The following SNTB1 variants were observed in gnomAD, a reference collection of about 807,000 sequenced individuals.
SNTB1 encodes the protein syntrophin beta 1.
SNTB1 carries 36 observed loss-of-function variants against 48.9 expected under a neutral mutation model. That is an observed-to-expected ratio of 0.74 (90% CI 0.56 to 0.97). SNTB1 has a LOEUF of 0.97. Among genes scored for constraint, SNTB1 ranks in the 50% least tolerant of loss-of-function variants. The pLI, the probability that SNTB1 is intolerant of heterozygous loss-of-function variation, is 0.00. For synonymous variants in SNTB1, 299 were observed against 294.6 expected (o/e 1.01, Z -0.15); for missense variants, 786 against 703.4 (o/e 1.12, Z -1.33).
chr8:120,581,930 G>A (rs945128329), intron 3 of SNTB1, among the ~76,000 whole-genome samples: 1 of 152,088 alleles, frequency 6.6e-6, no homozygotes, highest in Non-Finnish European at 1.5e-5. Flanking sequence ...AGCTATTTGG[G>A]AGGTTGAGGC....
At chr8:120,773,570 G>T (rs1017077376) in intron 1 of SNTB1, among the ~76,000 whole-genome samples, 1 of 152,042 alleles carries the variant, frequency 6.6e-6, no homozygotes, top group Non-Finnish European at 1.5e-5. Flanking sequence ...TATGAGTAAG[G>T]CACCATCTGG....
intron 2 of SNTB1, among the ~76,000 whole-genome samples, chr8:120,665,384 G>A (rs1008409317): frequency 5.9e-5 from 9 of 152,136 alleles, no homozygotes; most frequent in African/African-American, 9.6e-5. Context: ...CCTGGGAGGC[G>A]GAGTTTACAG....
At chr8:120,681,737 A>G (rs1817934290) in intron 2 of SNTB1, among the ~76,000 whole-genome samples, 1 of 152,202 alleles carries the variant, frequency 6.6e-6, no homozygotes, top group South Asian at 2.1e-4. Context: ...TTCACCAAGC[A>G]ATAACTCTAT....
At chr8:120,655,424 C>G (rs897490048) in intron 2 of SNTB1, among the ~76,000 whole-genome samples, 22 of 152,192 alleles carry the variant, frequency 1.4e-4, no homozygotes, top group Middle Eastern at 3.2e-3. Flanking sequence ...TACTTGTTCA[C>G]TTTTCTCATT....
intron 2 of SNTB1, among the ~76,000 whole-genome samples, chr8:120,670,584 T>A (rs2129782469): frequency 6.6e-6 from 1 of 152,364 alleles, no homozygotes; most frequent in South Asian, 2.1e-4. Context: ...AAATAACCTA[T>A]TTCTCTATTT....
At chr8:120,605,336 CT>C (rs1172146962) in intron 3 of SNTB1, among the ~76,000 whole-genome samples, 8 of 151,380 alleles carry the variant, frequency 5.3e-5, no homozygotes, top group African/African-American at 2.0e-4. Context: ...GGAGGTTTTA[CT>C]TACTCCATTT....
rs564691760 is a variant in SNTB1 at position 120,678,411 on chromosome 8, G to C, written c.788+15281C>G. Among the ~76,000 whole-genome samples, 11 of 152,216 alleles carry C rather than the reference G, an allele frequency of 7.2e-5. No homozygotes were observed. In the East Asian group the frequency reaches 2.1e-3, roughly 29 times the overall value. ...CCACTTTCTGAGAAGAGTAAAAAAC[G>C]AATGTCCAACCCTATTTCAGAGCTA... On this transcript the variant is annotated intron_variant, in intron 2 of 6. Transcript: ENST00000517992.
chr8:120,680,788 T>G (rs918781893), intron 2 of SNTB1, among the ~76,000 whole-genome samples: 2 of 152,144 alleles, frequency 1.3e-5, no homozygotes, highest in Non-Finnish European at 2.9e-5. Context: ...GATCAAGACC[T>G]ATATAGTGAG....
chr8:120,700,017 T>C (rs1193000574), intron 1 of SNTB1, among the ~76,000 whole-genome samples: 1 of 152,242 alleles, frequency 6.6e-6, no homozygotes, highest in Non-Finnish European at 1.5e-5. Flanking sequence ...ATAGGCATTA[T>C]AATCATCCCC....
At chr8:120,802,459 A>T (rs1820245219) in intron 1 of SNTB1, among the ~76,000 whole-genome samples, 1 of 152,100 alleles carries the variant, frequency 6.6e-6, no homozygotes, top group Non-Finnish European at 1.5e-5. Flanking sequence ...ACAGCAGCCT[A>T]CACTGTGGTC....
intron 1 of SNTB1, among the ~76,000 whole-genome samples, chr8:120,766,499 T>G (rs1298045553): frequency 1.3e-5 from 2 of 152,168 alleles, no homozygotes; most frequent in Non-Finnish European, 2.9e-5. Context: ...CTCTCCTATA[T>G]ATAATATTTT....
chr8:120,662,497 TGAAAG>T (rs1416211401), intron 2 of SNTB1, among the ~76,000 whole-genome samples: 2 of 152,160 alleles, frequency 1.3e-5, no homozygotes, highest in African/African-American at 4.8e-5. Context: ...TTGTTACAGA[TGAAAG>T]AAATTAACCC....
intron 1 of SNTB1, among the ~76,000 whole-genome samples, chr8:120,781,011 C>T (rs1819823218): frequency 6.6e-6 from 1 of 152,308 alleles, no homozygotes; most frequent in South Asian, 2.1e-4. Context: ...CTGTGCTATG[C>T]CCCGTGATCA....
chr8:120,583,507 G>A (rs61312574), intron 3 of SNTB1, among the ~76,000 whole-genome samples: 30,463 of 132,786 alleles, frequency 0.23, 3,307 homozygotes, highest in Middle Eastern at 0.33. Context: ...GGGAAACTCC[G>A]TCTCAAAACA....
intron 1 of SNTB1, among the ~76,000 whole-genome samples, chr8:120,752,759 G>A (rs1370630517): frequency 6.6e-5 from 10 of 151,966 alleles, no homozygotes; most frequent in African/African-American, 2.2e-4. Context: ...CTTATAAGAG[G>A]GAGCTAAACA....
At chr8:120,725,240 G>C (rs1438957221) in intron 1 of SNTB1, among the ~76,000 whole-genome samples, 2 of 152,144 alleles carry the variant, frequency 1.3e-5, no homozygotes, top group African/African-American at 4.8e-5. Flanking sequence ...ATTATTCTAA[G>C]TGCATTCTGA....
chr8:120,713,235 A>T (rs538288017), intron 1 of SNTB1, among the ~76,000 whole-genome samples: 1 of 152,292 alleles, frequency 6.6e-6, no homozygotes, highest in African/African-American at 2.4e-5. Flanking sequence ...AAATTCAGGC[A>T]TAATCTAAAA....
intron 1 of SNTB1, among the ~76,000 whole-genome samples, chr8:120,717,600 C>G (rs1818582880): frequency 6.6e-6 from 1 of 152,178 alleles, no homozygotes; most frequent in African/African-American, 2.4e-5. Context: ...GGGAAGCTTC[C>G]AGCCCTTGCA....
Position 120,775,746 on chromosome 8 carries a change from GGAAGGAAGGAAA to G in SNTB1, c.571+35515_571+35526del, listed in dbSNP as rs879758104. Among the ~76,000 whole-genome samples, 156 of 140,298 alleles carry G rather than the reference GGAAGGAAGGAAA, an allele frequency of 1.1e-3. 1 individual carries two copies. The highest frequency in any genetic ancestry group is 1.7e-3 in the Non-Finnish European group (114 of 65,222). 92.0% of individuals were successfully genotyped at this position (140,298 alleles called of 152,430 possible). On this transcript the variant is annotated intron_variant, in intron 1 of 6. Transcript: ENST00000517992. ...AGGAAGGAAGGAAGGAAGGAAGGAA[GGAAGGAAGGAAA>G]GAAGGAAAGAAGGAAGGAACAGAAA...
Sources: allele counts gnomAD v4.1 joint callset (sites outside exome capture counted in the v4.1 genomes callset), GRCh38; gene constraint gnomAD v4.1.1; transcripts MANE v1.5; gene names NCBI Gene and HGNC (gene_info 2026-07-23, HGNC 2026-07-21).